Variants in SGMS2 observed in about 807,000 individuals in gnomAD.
The protein encoded by SGMS2 is sphingomyelin synthase 2.
In SGMS2, 21 loss-of-function variants were observed where a neutral mutation model predicts 43.8. The ratio of observed to expected loss-of-function variants is 0.48; its 90% confidence interval spans 0.34 to 0.69. The LOEUF is 0.69. SGMS2 is among the 30% of genes least tolerant of loss of function. SGMS2 has a pLI of 0.01. For synonymous variants in SGMS2, 167 were observed against 160.6 expected (o/e 1.04, Z -0.30); for missense variants, 384 against 443.2 (o/e 0.87, Z 1.20).
chr4:107,854,526 CT>C (rs1727315131), intron 1 of SGMS2, among the ~76,000 whole-genome samples: 1 of 152,102 alleles, frequency 6.6e-6, no homozygotes, highest in East Asian at 1.9e-4. Context: ...ACAGATGCTT[CT>C]AGGGGGAGTT....
At chr4:107,857,117 CAT>C (rs1412080755) in intron 1 of SGMS2, among the ~76,000 whole-genome samples, 3 of 152,198 alleles carry the variant, frequency 2.0e-5, no homozygotes, top group African/African-American at 4.8e-5. Context: ...GATCATATAA[CAT>C]GTGGTCTTTG....
At position 107,911,502 on chromosome 4, in the gene SGMS2, A is replaced by G. The variant is rs1219772309; in HGVS notation, c.*949A>G. On this transcript the variant is annotated 3_prime_UTR_variant, in exon 7 of 7. Transcript: ENST00000690982. ...GTGTGAGATCAATTTTAGGGCTCCT[A>G]ATTGGAGCACAGAAATGTATTTGGT... 6.6e-6 allele frequency: 1 copy of G among 152,172 alleles called. No individual in the cohort carries two copies. The highest frequency in any genetic ancestry group is 1.5e-5 in the Non-Finnish European group (1 of 68,040). 9.4% of individuals were successfully genotyped at this position (152,172 alleles called of 1,614,324 possible). A position where few individuals can be genotyped will look rare whatever the true frequency, so the allele number is the denominator to read the frequency against.
chr4:107,849,875 C>T (rs1253240263), intron 1 of SGMS2, among the ~76,000 whole-genome samples: 1 of 152,002 alleles, frequency 6.6e-6, no homozygotes, highest in Admixed American at 6.6e-5. Context: ...AAATGAAAAA[C>T]AAAGTGAAAA....
intron 1 of SGMS2, among the ~76,000 whole-genome samples, chr4:107,826,885 A>G (rs1449426341): frequency 6.6e-6 from 1 of 152,200 alleles, no homozygotes; most frequent in African/African-American, 2.4e-5. Context: ...AACTATAACA[A>G]CTTACAGGGT....
At chr4:107,869,392 G>A (rs917702264) in intron 2 of SGMS2, among the ~76,000 whole-genome samples, 21 of 152,218 alleles carry the variant, frequency 1.4e-4, no homozygotes, top group Non-Finnish European at 1.9e-4. Context: ...TATTGCATGT[G>A]AAATAAACAG....
At position 107,910,524 on chromosome 4, in the gene SGMS2, A is replaced by G; in HGVS notation, c.1069A>G (p.Ile357Val). ...SCKKYSRVQKIGEDNEKST is the reference protein window; with the variant it reads ...SCKKYSRVQKVGEDNEKST Reference sequence around the variant, plus strand: ...CAAAAAGTATTCACGGGTTCAGAAGATTGGTGAAGACAATGAGAAATCGAC... The same window carrying G: ...CAAAAAGTATTCACGGGTTCAGAAGGTTGGTGAAGACAATGAGAAATCGAC... Residue 357 changes from isoleucine (I) to valine (V), a missense_variant, in exon 7 of 7, where the codon ATT (isoleucine) becomes GTT (valine). Physicochemically the swap from Ile to Val is conservative, Grantham distance 29. Transcript: ENST00000690982. 6.2e-7 allele frequency: 1 copy of G among 1,614,016 alleles called. No individual in the cohort carries two copies. Among genetic ancestry groups the G allele is most frequent in the Non-Finnish European group, 8.5e-7 (1 of 1,179,978 alleles).
rs1732174180 is a variant in SGMS2, at chr4:107,912,308, C to T, written c.*1755C>T. ...CAGTTATTTTAAACAAGAATTAAAA[C>T]CCCAAACATCCTTGGCAGGCTTTGA... On this transcript the variant is annotated 3_prime_UTR_variant, in exon 7 of 7. Coordinates refer to ENST00000690982, the MANE Select transcript of SGMS2 (RefSeq NM_001375905.1). 1 of 152,106 alleles carries T rather than the reference C, an allele frequency of 6.6e-6. No individual in the cohort carries two copies. The highest frequency in any genetic ancestry group is 2.4e-5 in the African/African-American group (1 of 41,412). 9.4% of individuals were successfully genotyped at this position (152,106 alleles called of 1,614,324 possible). A position where few individuals can be genotyped will look rare whatever the true frequency, so the allele number is the denominator to read the frequency against.
chr4:107,834,598 G>A (rs1408677375), intron 1 of SGMS2, among the ~76,000 whole-genome samples: 4 of 152,074 alleles, frequency 2.6e-5, no homozygotes, highest in African/African-American at 9.7e-5. Context: ...CATTTGCCTA[G>A]CAATGTTATT....
intron 2 of SGMS2, among the ~76,000 whole-genome samples, chr4:107,886,364 A>AT (rs67228519): frequency 0.022 from 2,328 of 106,068 alleles, 69 homozygotes; most frequent in Admixed American, 0.038. Context: ...CACCCAGCTA[A>AT]TTTTTTTTTT....
intron 1 of SGMS2, among the ~76,000 whole-genome samples, chr4:107,844,655 G>A (rs779388281): frequency 3.3e-5 from 5 of 152,118 alleles, no homozygotes; most frequent in South Asian, 4.1e-4. Context: ...GCAGTGAGCC[G>A]TGATTGCACC....
chr4:107,825,628 T>TG (rs1315314577), intron 1 of SGMS2, among the ~76,000 whole-genome samples: 1 of 143,306 alleles, frequency 7.0e-6, no homozygotes, highest in African/African-American at 2.6e-5. Context: ...CTCTTTTTTT[T>TG]TTTTTTTTTT....
chr4:107,861,047 A>G (rs1453160580), intron 2 of SGMS2, among the ~76,000 whole-genome samples: 1 of 152,244 alleles, frequency 6.6e-6, no homozygotes, highest in African/African-American at 2.4e-5. Flanking sequence ...TTGTGAGGCC[A>G]GGGACTAGGT....
chr4:107,870,261 T>C (rs1330409311), intron 2 of SGMS2, among the ~76,000 whole-genome samples: 2 of 152,190 alleles, frequency 1.3e-5, no homozygotes. Context: ...AAGTAAGAGA[T>C]GTCTGTGAAA....
At chr4:107,854,852 G>T (rs1239543624) in intron 1 of SGMS2, among the ~76,000 whole-genome samples, 2 of 152,150 alleles carry the variant, frequency 1.3e-5, no homozygotes, top group African/African-American at 4.8e-5. Context: ...GTCTTCCCTG[G>T]TCTGCAGTAT....
At chr4:107,908,083 C>T (rs893972443) in intron 5 of SGMS2, 1 of 155,890 alleles carries the variant, frequency 6.4e-6, no homozygotes, top group Non-Finnish European at 1.4e-5. Context: ...GACCCCCTTA[C>T]CCTACACATA....
At chr4:107,879,814 A>G (rs1328285015) in intron 2 of SGMS2, among the ~76,000 whole-genome samples, 1 of 151,226 alleles carries the variant, frequency 6.6e-6, no homozygotes, top group East Asian at 2.0e-4. Flanking sequence ...ATAAAATTAA[A>G]TTGTTTTAAG....
chr4:107,842,980 G>T (rs79636885), intron 1 of SGMS2, among the ~76,000 whole-genome samples: 6,184 of 152,196 alleles, frequency 0.041, 429 homozygotes, highest in African/African-American at 0.14. Flanking sequence ...GGTATTAGTC[G>T]CTACATTTCG....
At chr4:107,906,046 C>G (rs930932107) in intron 5 of SGMS2, among the ~76,000 whole-genome samples, 11 of 152,138 alleles carry the variant, frequency 7.2e-5, no homozygotes, top group Admixed American at 1.3e-4. Flanking sequence ...GTAAGCAGAG[C>G]ATTCCATGTT....
At chr4:107,892,553 G>A (rs1331651122) in intron 2 of SGMS2, among the ~76,000 whole-genome samples, 1 of 152,152 alleles carries the variant, frequency 6.6e-6, no homozygotes, top group Non-Finnish European at 1.5e-5. Flanking sequence ...GCCTCGGGAG[G>A]TCTTGAAGAC....
Sources: allele counts gnomAD v4.1 joint callset (sites outside exome capture counted in the v4.1 genomes callset), GRCh38; gene constraint gnomAD v4.1.1; transcripts MANE v1.5; gene names NCBI Gene and HGNC (gene_info 2026-07-23, HGNC 2026-07-21).